CCDC192: variants seen among roughly 807,000 people sequenced by gnomAD.
CCDC192 encodes coiled-coil domain containing 192.
chr5:127,738,009 C>A (rs1357185653), intron 2 of CCDC192, among the ~76,000 whole-genome samples: 1 of 151,512 alleles, frequency 6.6e-6, no homozygotes, highest in Non-Finnish European at 1.5e-5. Flanking sequence ...TTAGTTGATG[C>A]AGTTTCTTCC....
chr5:127,883,613 G>A (rs245237), intron 6 of CCDC192, among the ~76,000 whole-genome samples: 47,560 of 152,002 alleles, frequency 0.31, 7,454 homozygotes, highest in East Asian at 0.44. Context: ...AGAACTTCCC[G>A]CAAGGATAAG....
At chr5:127,903,099 C>T (rs1195244522) in intron 6 of CCDC192, among the ~76,000 whole-genome samples, 2 of 152,132 alleles carry the variant, frequency 1.3e-5, no homozygotes, top group African/African-American at 2.4e-5. Flanking sequence ...TTCAACTTTC[C>T]GGCATGCTCT....
At chr5:127,703,088 C>A (rs887936190), upstream of CCDC192, among the ~76,000 whole-genome samples, 1 of 152,200 alleles carries the variant, frequency 6.6e-6, no homozygotes, top group Non-Finnish European at 1.5e-5. Flanking sequence ...GTGCACCCCT[C>A]TCAGACAGCA....
At chr5:127,786,044 A>G (rs528055089) in intron 3 of CCDC192, 51 of 642,762 alleles carry the variant, frequency 7.9e-5, no homozygotes, top group Non-Finnish European at 1.3e-4. Flanking sequence ...AGTTTTTTCA[A>G]TTCTCCTAGG....
intron 5 of CCDC192, among the ~76,000 whole-genome samples, chr5:127,799,193 A>G (rs1338466153): frequency 1.3e-5 from 2 of 152,194 alleles, no homozygotes; most frequent in Non-Finnish European, 1.5e-5. Context: ...AAAAGACTGC[A>G]AGATAATACA....
chr5:127,727,264 G>A (rs561820801), intron 2 of CCDC192, among the ~76,000 whole-genome samples: 1 of 152,240 alleles, frequency 6.6e-6, no homozygotes, highest in South Asian at 2.1e-4. Context: ...TCTGAGGTCG[G>A]GAGGTCGAGA....
chr5:127,805,568 A>G (rs1000916557), intron 5 of CCDC192, among the ~76,000 whole-genome samples: 6 of 152,210 alleles, frequency 3.9e-5, no homozygotes. Flanking sequence ...GTTATAATAG[A>G]GTTCTACCTG....
At chr5:127,822,129 C>T (rs1239051171) in intron 5 of CCDC192, among the ~76,000 whole-genome samples, 1 of 152,202 alleles carries the variant, frequency 6.6e-6, no homozygotes, top group Non-Finnish European at 1.5e-5. Context: ...TAGGTCCCTG[C>T]CTTAGACACG....
chr5:127,782,634 T>C (rs1756298064), intron 3 of CCDC192, among the ~76,000 whole-genome samples: 1 of 152,210 alleles, frequency 6.6e-6, no homozygotes, highest in Non-Finnish European at 1.5e-5. Flanking sequence ...AATGATCTTT[T>C]GTATTTCTGC....
intron 1 of CCDC192, among the ~76,000 whole-genome samples, chr5:127,704,481 C>T (rs1301249290): frequency 6.6e-6 from 1 of 152,180 alleles, no homozygotes; most frequent in Admixed American, 6.5e-5. Context: ...AGCCACCGTG[C>T]CTGGCCTGCT....
chr5:127,927,822 A>G (rs1753905282), intron 6 of CCDC192, among the ~76,000 whole-genome samples: 2 of 149,892 alleles, frequency 1.3e-5, no homozygotes, highest in Admixed American at 1.3e-4. Context: ...GATTTTCTTC[A>G]TTATTCAGAT....
At chr5:127,852,876 T>C (rs1054074297) in intron 5 of CCDC192, among the ~76,000 whole-genome samples, 5 of 152,074 alleles carry the variant, frequency 3.3e-5, no homozygotes, top group Non-Finnish European at 7.4e-5. Flanking sequence ...GGGCAGATGG[T>C]CAGGAGATAG....
intron 3 of CCDC192, among the ~76,000 whole-genome samples, chr5:127,766,724 A>C (rs1182168670): frequency 6.6e-6 from 1 of 151,298 alleles, no homozygotes; most frequent in Non-Finnish European, 1.5e-5. Context: ...CTGCTGCTTC[A>C]TCCTGCCACT....
At chr5:127,889,878 T>C (rs1229056438) in intron 6 of CCDC192, among the ~76,000 whole-genome samples, 1 of 131,508 alleles carries the variant, frequency 7.6e-6, no homozygotes, top group African/African-American at 2.8e-5. Context: ...AACAGTTTTA[T>C]AAATTTTTTT....
intron 5 of CCDC192, among the ~76,000 whole-genome samples, chr5:127,859,156 G>T (rs1303345410): frequency 6.6e-6 from 1 of 152,134 alleles, no homozygotes. Context: ...GTTATTTTGT[G>T]CCTGAGATGT....
At chr5:127,865,869 C>A (rs908935244) in intron 5 of CCDC192, among the ~76,000 whole-genome samples, 6 of 152,002 alleles carry the variant, frequency 3.9e-5, no homozygotes, top group African/African-American at 9.7e-5. Flanking sequence ...CAACTCCTTT[C>A]TTTGCTTTGT....
intron 5 of CCDC192, among the ~76,000 whole-genome samples, chr5:127,873,046 C>CACTG (rs1751927137): frequency 6.6e-6 from 1 of 152,108 alleles, no homozygotes; most frequent in South Asian, 2.1e-4. Context: ...TGTGTCTGTC[C>CACTG]ACTGAGTTCC....
chr5:127,895,579 C>G (rs1317533599), intron 6 of CCDC192, among the ~76,000 whole-genome samples: 3 of 152,192 alleles, frequency 2.0e-5, no homozygotes, highest in African/African-American at 7.2e-5. Context: ...GTAACTCACT[C>G]CTGTAATCCC....
intron 6 of CCDC192, among the ~76,000 whole-genome samples, chr5:127,903,303 C>T (rs1225102441): frequency 6.6e-5 from 10 of 150,914 alleles, no homozygotes; most frequent in Non-Finnish European, 5.9e-5. Context: ...AGTGCAATGG[C>T]GCAATCTCGG....
Sources: gnomAD v4.1 joint callset for allele counts (sites outside exome capture counted in the v4.1 genomes callset) on GRCh38, gnomAD v4.1.1 for gene constraint, MANE v1.5 for transcripts, NCBI Gene and HGNC (gene_info 2026-07-23, HGNC 2026-07-21) for gene names.